RASGEF1A: variants seen among roughly 807,000 people sequenced by gnomAD.
RASGEF1A encodes the protein RasGEF domain family member 1A, also known as ras-GEF domain-containing family member 1A.
RASGEF1A carries 18 observed loss-of-function variants against 56.4 expected under a neutral mutation model. That is an observed-to-expected ratio of 0.32 (90% CI 0.22 to 0.47). RASGEF1A has a LOEUF of 0.47. Among genes scored for constraint, RASGEF1A ranks in the 20% least tolerant of loss-of-function variants. The pLI, the probability that RASGEF1A is intolerant of heterozygous loss-of-function variation, is 1.00. For missense variants in RASGEF1A, 422 were observed against 627.1 expected (o/e 0.67, Z 3.49); for synonymous variants, 245 against 242.6 (o/e 1.01, Z -0.09).
intron 1 of RASGEF1A, among the ~76,000 whole-genome samples, chr10:43,242,720 A>C (rs925980396): frequency 1.3e-5 from 2 of 152,114 alleles, no homozygotes; most frequent in Admixed American, 1.3e-4. Flanking sequence ...TTTGGTGCAG[A>C]CAGGGTTTCG....
chr10:43,226,831 C>T (rs929684534), intron 1 of RASGEF1A, among the ~76,000 whole-genome samples: 1 of 152,232 alleles, frequency 6.6e-6, no homozygotes, highest in Non-Finnish European at 1.5e-5. Context: ...AGAACTTGTT[C>T]AGTCAAGTCA....
In RASGEF1A at chr10:43,259,640, C is replaced by T. The variant is rs115921439; in HGVS notation, c.-7+7205G>A. Among the ~76,000 whole-genome samples the T allele has an allele frequency of 6.3e-3, 954 of 152,306 alleles. 10 individuals are homozygous for T. Among genetic ancestry groups the T allele is most frequent in the African/African-American group, 0.021 (893 of 41,572 alleles). On this transcript the variant is annotated intron_variant, in intron 1 of 12. Coordinates refer to ENST00000395810, the MANE Select transcript of RASGEF1A (RefSeq NM_145313.4). ...TCTAAACCCCTTCTATCAGAATCCC[C>T]AGCCCATGCACTGAGTCATAGCCCT...
chr10:43,242,899 C>T (rs182526182), intron 1 of RASGEF1A, among the ~76,000 whole-genome samples: 7,170 of 152,292 alleles, frequency 0.047, 188 homozygotes, highest in South Asian at 0.088. Flanking sequence ...ACCTCCCAGC[C>T]GCCTGCCTTG....
At chr10:43,249,142 G>C (rs1164210652) in intron 1 of RASGEF1A, among the ~76,000 whole-genome samples, 1 of 152,184 alleles carries the variant, frequency 6.6e-6, no homozygotes, top group Non-Finnish European at 1.5e-5. Context: ...AGAGAGACCT[G>C]GTCACCTGTG....
At chr10:43,260,478 C>G (rs1349487839) in intron 1 of RASGEF1A, among the ~76,000 whole-genome samples, 6 of 152,246 alleles carry the variant, frequency 3.9e-5, no homozygotes, top group Non-Finnish European at 7.3e-5. Context: ...ACTGTGCTGC[C>G]CTGGAGTCCA....
intron 1 of RASGEF1A, chr10:43,208,230 G>A (rs1840022514): frequency 2.0e-6 from 2 of 985,456 alleles, no homozygotes; most frequent in Non-Finnish European, 2.4e-6. Context: ...AGCTCTTGGG[G>A]TCATCAGAGA....
intron 1 of RASGEF1A, among the ~76,000 whole-genome samples, chr10:43,248,024 C>T (rs1354568125): frequency 1.4e-5 from 2 of 146,874 alleles, no homozygotes; most frequent in African/African-American, 5.1e-5. Context: ...TATAGTAAGA[C>T]CCCCCATTTC....
intron 1 of RASGEF1A, among the ~76,000 whole-genome samples, chr10:43,264,059 T>C (rs1025809023): frequency 2.6e-5 from 4 of 152,084 alleles, no homozygotes; most frequent in Non-Finnish European, 5.9e-5. Context: ...TCTCCCACTC[T>C]GAGCAGGCCA....
At chr10:43,213,863 C>G (rs1038146979) in intron 1 of RASGEF1A, among the ~76,000 whole-genome samples, 1 of 152,102 alleles carries the variant, frequency 6.6e-6, no homozygotes, top group Non-Finnish European at 1.5e-5. Flanking sequence ...CCTGGCCAGC[C>G]TCAAGTGATC....
chr10:43,210,343 A>C (rs1344425139), intron 1 of RASGEF1A, among the ~76,000 whole-genome samples: 2 of 152,278 alleles, frequency 1.3e-5, no homozygotes, highest in Middle Eastern at 3.4e-3. Context: ...GTGTGGTGGC[A>C]CAGGCCTGTG....
chr10:43,257,482 T>C (rs4987093), intron 1 of RASGEF1A, among the ~76,000 whole-genome samples: 43,273 of 152,130 alleles, frequency 0.28, 6,543 homozygotes, highest in Non-Finnish European at 0.33. Flanking sequence ...CTCTGCCGCC[T>C]GGGGGCCTCT....
At chr10:43,238,827 T>C (rs933421246) in intron 1 of RASGEF1A, among the ~76,000 whole-genome samples, 1 of 152,152 alleles carries the variant, frequency 6.6e-6, no homozygotes. Flanking sequence ...CCAGAGAGGA[T>C]GACACTCTAG....
At chr10:43,239,176 A>G (rs937630469) in intron 1 of RASGEF1A, among the ~76,000 whole-genome samples, 2 of 152,220 alleles carry the variant, frequency 1.3e-5, no homozygotes, top group African/African-American at 4.8e-5. Flanking sequence ...GAGGTCCTCT[A>G]GCAAAAGACA....
chr10:43,202,056 G>T, intron 3 of RASGEF1A, 111 bp from the exon 4 acceptor site: 1 of 1,243,164 alleles, frequency 8.0e-7, no homozygotes, highest in Non-Finnish European at 1.1e-6. Flanking sequence ...CCCTGTGCTG[G>T]GCACAGCCCC....
intron 1 of RASGEF1A, among the ~76,000 whole-genome samples, chr10:43,247,666 A>C (rs775284873): frequency 2.6e-5 from 4 of 152,258 alleles, no homozygotes; most frequent in Non-Finnish European, 5.9e-5. Flanking sequence ...GCATGATTCC[A>C]CTTATTCAAA....
chr10:43,251,815 G>A (rs557006214), intron 1 of RASGEF1A, among the ~76,000 whole-genome samples: 6 of 152,168 alleles, frequency 3.9e-5, no homozygotes, highest in African/African-American at 9.7e-5. Flanking sequence ...CCAGGCCTTC[G>A]TCTGGCCCAG....
At position 43,206,164 on chromosome 10, in the gene RASGEF1A, C is replaced by G. The variant is rs371516045; in HGVS notation, c.-6-42G>C. ...AGGACATGAGGCATCAAAGGCGCCT[C>G]CACAGCTCCACAGACCCTCCTCCCA... is the stretch of plus-strand genomic sequence containing the variant. On this transcript the variant is annotated intron_variant, in intron 1 of 12. Coordinates refer to ENST00000395810, the MANE Select transcript of RASGEF1A (RefSeq NM_145313.4). The G allele has an allele frequency of 5.7e-5, 84 of 1,465,146 alleles. No homozygotes were observed. In the African/African-American group the frequency reaches 1.1e-3, roughly 19 times the overall value. 90.8% of individuals were successfully genotyped at this position (1,465,146 alleles called of 1,614,324 possible).
intron 1 of RASGEF1A, chr10:43,207,015 A>T: frequency 1.0e-6 from 1 of 985,432 alleles, no homozygotes; most frequent in Non-Finnish European, 1.2e-6. Flanking sequence ...AGTTCTTGTG[A>T]AGCCTAGGGG....
At chr10:43,254,359 T>C (rs1422195468) in intron 1 of RASGEF1A, among the ~76,000 whole-genome samples, 1 of 152,180 alleles carries the variant, frequency 6.6e-6, no homozygotes, top group Non-Finnish European at 1.5e-5. Flanking sequence ...CTTAGATCTG[T>C]GTGGTGGGGC....
Sources: allele counts gnomAD v4.1 joint callset (sites outside exome capture counted in the v4.1 genomes callset), GRCh38; gene constraint gnomAD v4.1.1; transcripts MANE v1.5; gene names NCBI Gene and HGNC (gene_info 2026-07-23, HGNC 2026-07-21).